The following SPTBN4 variants were observed in gnomAD, a reference collection of about 807,000 sequenced individuals.
The protein encoded by SPTBN4 is spectrin beta chain, non-erythrocytic 4.
In SPTBN4, 96 loss-of-function variants were observed where a neutral mutation model predicts 277.8. The observed-to-expected ratio is 0.35, with a 90% confidence interval of 0.29 to 0.41. SPTBN4 has a LOEUF of 0.41. Ranked by LOEUF, SPTBN4 falls within the 10% of genes least tolerant of loss-of-function variation. The pLI, the probability that SPTBN4 is intolerant of heterozygous loss-of-function variation, is 1.00. For synonymous variants in SPTBN4, 1,481 were observed against 1,580.3 expected (o/e 0.94, Z 1.49); for missense variants, 3,006 against 3,595.7 (o/e 0.84, Z 4.19).
rs770978877 is a variant in SPTBN4 at position 40,567,776 on chromosome 19, A to C, written c.6450A>C (p.Pro2150=). 6.5e-6 allele frequency: 10 copies of C among 1,527,650 alleles called. No homozygotes were observed. The highest frequency in any genetic ancestry group is 4.3e-5 in the African/African-American group (3 of 70,100). The allele number at this position is 1,527,650 out of a possible 1,614,324, so 94.6% of individuals were successfully genotyped here. A position where few individuals can be genotyped will look rare whatever the true frequency, so the allele number is the denominator to read the frequency against. ...CCAAGGCGGCGCCCCTGCTGCGGCC[A>C]GGGGGCTATGAAAGGGGCTTGGAGC... ...LAAKAAPLLR[P]GGYERGLEPL... The change falls in exon 31 of 36, where the codon CCA becomes CCC. Residue 2150 remains proline, a synonymous_variant. Transcript: ENST00000598249.
At chr19:40,479,654 T>G (rs1295993693) in intron 2 of SPTBN4, among the ~76,000 whole-genome samples, 3 of 140,454 alleles carry the variant, frequency 2.1e-5, no homozygotes, top group African/African-American at 8.4e-5. Flanking sequence ...TTTTGCAAAA[T>G]GTGCATTGCT....
At chr19:40,492,660 A>T (rs1025408164) in intron 4 of SPTBN4, among the ~76,000 whole-genome samples, 12 of 152,180 alleles carry the variant, frequency 7.9e-5, no homozygotes, top group African/African-American at 2.7e-4. Context: ...GGAGATCAGC[A>T]TGAAGGCCAC....
chr19:40,566,026 C>T (rs1413161570), intron 29 of SPTBN4, 137 bp from the exon 30 acceptor site: 1 of 914,780 alleles, frequency 1.1e-6, no homozygotes, highest in African/African-American at 1.7e-5. Context: ...CCAGCCTCTG[C>T]CATTCCTGCA....
rs1346681524 is a variant in SPTBN4, at chr19:40,555,702, C to T, written c.5085-382C>T. 2.0e-5 allele frequency among the ~76,000 whole-genome samples: 3 copies of T among 151,702 alleles called. 1 individual carries two copies. Among genetic ancestry groups the T allele is most frequent in the Non-Finnish European group, 2.9e-5 (2 of 67,926 alleles). The stretch of plus-strand genomic sequence containing the variant: ...CACTGGGAGGCTGAGGCAGGAGGAT[C>T]GTTTGAGCCCAGGAGTTTGAGAACA... On this transcript the variant is annotated intron_variant, in intron 24 of 35. Transcript: ENST00000598249.
chr19:40,530,482 G>A, intron 18 of SPTBN4: 2 of 979,872 alleles, frequency 2.0e-6, no homozygotes, highest in Non-Finnish European at 2.4e-6. Context: ...GGGGCGCGCG[G>A]CCGCCGGAGC....
chr19:40,570,717 G>A lies in SPTBN4; in HGVS notation c.7308G>A (p.Lys2436=), dbSNP rs774145874. ...AGCGCGAGCTCGACGCTAACCGCAA[G>A]TCGTCCAACCGGTGAGCGTGTGGGC... ...LRKRELDANR[K]SSNRSWVSLY... is the part of the protein sequence containing the mutation. The change falls in exon 33 of 36, where the codon AAG becomes AAA. Residue 2436 remains lysine (K), a synonymous_variant. Coordinates refer to ENST00000598249, the MANE Select transcript of SPTBN4 (RefSeq NM_020971.3). 20 of 1,608,254 alleles carry A rather than the reference G, an allele frequency of 1.2e-5. No individual in the cohort carries two copies. Among genetic ancestry groups the A allele is most frequent in the Non-Finnish European group, 1.6e-5 (19 of 1,177,950 alleles).
At chr19:40,531,788 G>A (rs1011492063) in intron 18 of SPTBN4, among the ~76,000 whole-genome samples, 7 of 151,970 alleles carry the variant, frequency 4.6e-5, no homozygotes, top group South Asian at 2.1e-4. Context: ...GGTGCTGGCC[G>A]GGCTTGGGAG....
At position 40,515,954 on chromosome 19, in the gene SPTBN4, C is replaced by CATATATACGT. The variant is rs1568798446; in HGVS notation, c.2903+515_2903+524dup. The stretch of plus-strand genomic sequence containing the variant: ...ACACACATATATACGTATATATACA[C>CATATATACGT]ATATATACGTATATATACACATATA... On this transcript the variant is annotated intron_variant, in intron 15 of 35. Transcript: ENST00000598249. This position sits in a 1 kb window ranked among gnomAD's most constrained non-coding sequence, Gnocchi z 4.1. Among the ~76,000 whole-genome samples the CATATATACGT allele has an allele frequency of 8.9e-5, 13 of 146,506 alleles. No homozygotes were observed. The highest frequency in any genetic ancestry group is 1.8e-4 in the Non-Finnish European group (12 of 66,958).
chr19:40,566,958 AAAC>A (rs1347580748), intron 30 of SPTBN4: 14 of 295,230 alleles, frequency 4.7e-5, no homozygotes, highest in South Asian at 5.4e-5. Flanking sequence ...CTCCATCTCA[AAAC>A]AACAACAACA....
At position 40,492,817 on chromosome 19, in the gene SPTBN4, A is replaced by T. The variant is rs2080153863; in HGVS notation, c.496-146A>T. On this transcript the variant is annotated intron_variant, in intron 4 of 35. Coordinates refer to ENST00000598249, the MANE Select transcript of SPTBN4 (RefSeq NM_020971.3). ...CCTGGCCCTCAGGAATTATCCTCAC[A>T]CTCCTGGACCCCCACCCCCAGCCAG... 3 of 618,576 alleles carry T rather than the reference A, an allele frequency of 4.8e-6. No individual in the cohort carries two copies. In the Admixed American group the frequency reaches 7.7e-5, roughly 16 times the overall value. The allele number at this position is 618,576 out of a possible 1,614,324, so 38.3% of individuals were successfully genotyped here.
intron 1 of SPTBN4, among the ~76,000 whole-genome samples, chr19:40,469,266 T>G (rs2079858149): frequency 6.6e-6 from 1 of 152,054 alleles, no homozygotes; most frequent in Non-Finnish European, 1.5e-5. Context: ...TAGTCTTTTT[T>G]TTTTCCTTTT....
chr19:40,543,608 A>G lies in SPTBN4; in HGVS notation c.4360-5581A>G, dbSNP rs111403786. Reference sequence around the variant, plus strand: ...TTGCAGTCATTTGTGGTAATCTGCTACCACTTAATTTTTTAATTGTTATTT... The same window carrying G: ...TTGCAGTCATTTGTGGTAATCTGCTGCCACTTAATTTTTTAATTGTTATTT... On this transcript the variant is annotated intron_variant, in intron 20 of 35. Coordinates refer to ENST00000598249, the MANE Select transcript of SPTBN4 (RefSeq NM_020971.3). 1.1e-4 allele frequency among the ~76,000 whole-genome samples: 17 copies of G among 152,204 alleles called. 1 individual carries two copies. Among genetic ancestry groups the G allele is most frequent in the Middle Eastern group, 3.4e-3 (1 of 294 alleles).
intron 7 of SPTBN4, among the ~76,000 whole-genome samples, chr19:40,499,967 T>C (rs2145843539): frequency 6.6e-6 from 1 of 151,232 alleles, no homozygotes; most frequent in Middle Eastern, 3.4e-3. Context: ...CACTCAGTCA[T>C]GGTGATGGCT....
Position 40,554,217 on chromosome 19 carries a change from C to T in SPTBN4, c.4745C>T (p.Ala1582Val). 1.3e-6 allele frequency: 2 copies of T among 1,489,540 alleles called. No homozygotes were observed. The highest frequency in any genetic ancestry group is 2.9e-5 in the African/African-American group (2 of 68,654). The allele number at this position is 1,489,540 out of a possible 1,614,324, so 92.3% of individuals were successfully genotyped here. A position where few individuals can be genotyped will look rare whatever the true frequency, so the allele number is the denominator to read the frequency against. The change falls in exon 23 of 36, where the codon GCG becomes GTG. Residue 1582 changes from alanine (A) to valine (V), a missense_variant. Coordinates refer to ENST00000598249, the MANE Select transcript of SPTBN4 (RefSeq NM_020971.3). The surrounding 1 kb of genome is among the most constrained non-coding windows in gnomAD (Gnocchi z 5.7). Reference sequence around the variant, plus strand: ...GTGCTGGAGCGCGCGGGCGCGCTGGCGTCGCTGCGCAGCCCGGAGGCAGAG... The same window carrying T: ...GTGCTGGAGCGCGCGGGCGCGCTGGTGTCGCTGCGCAGCCCGGAGGCAGAG... ...EEVLERAGALASLRSPEAEAV... is the reference protein window; with the variant it reads ...EEVLERAGALVSLRSPEAEAV...
chr19:40,502,106 C>T lies in SPTBN4; in HGVS notation c.898-22C>T. On this transcript the variant is annotated intron_variant, in intron 8 of 35. Coordinates refer to ENST00000598249, the MANE Select transcript of SPTBN4 (RefSeq NM_020971.3). This position sits in a 1 kb window ranked among gnomAD's most constrained non-coding sequence, Gnocchi z 4.9. ...CAGGCACGGGTGGGATGAGGCTGACCCCCCTTCCTCTGCTGTGTCAGGTCT... is the reference window on the plus strand; with the variant it reads ...CAGGCACGGGTGGGATGAGGCTGACTCCCCTTCCTCTGCTGTGTCAGGTCT... 1 of 1,613,030 alleles carries T rather than the reference C, an allele frequency of 6.2e-7. No homozygotes were observed. Among genetic ancestry groups the T allele is most frequent in the Non-Finnish European group, 8.5e-7 (1 of 1,179,608 alleles).
At chr19:40,481,136 G>A (rs1160726851) in intron 2 of SPTBN4, among the ~76,000 whole-genome samples, 4 of 152,130 alleles carry the variant, frequency 2.6e-5, no homozygotes, top group East Asian at 1.9e-4. Flanking sequence ...GGACATATGC[G>A]CTTGTTTCTG....
intron 32 of SPTBN4, among the ~76,000 whole-genome samples, chr19:40,570,045 C>T (rs976572441): frequency 5.3e-5 from 8 of 151,022 alleles, no homozygotes; most frequent in African/African-American, 2.0e-4. Flanking sequence ...CACACACAGA[C>T]TCTTCCCACA....
intron 21 of SPTBN4, among the ~76,000 whole-genome samples, chr19:40,550,010 C>A (rs1336695038): frequency 6.6e-6 from 1 of 151,902 alleles, no homozygotes; most frequent in African/African-American, 2.4e-5. Flanking sequence ...TGTGGTGGTG[C>A]CTGTTGTCCC....
At chr19:40,568,534 C>T (rs1486301916) in intron 31 of SPTBN4, among the ~76,000 whole-genome samples, 1 of 152,196 alleles carries the variant, frequency 6.6e-6, no homozygotes, top group Non-Finnish European at 1.5e-5. Flanking sequence ...AGGTTCTCGG[C>T]CCCTGGGTTG....
Sources: allele counts gnomAD v4.1 joint callset (sites outside exome capture counted in the v4.1 genomes callset), GRCh38; gene constraint gnomAD v4.1.1; non-coding constraint Gnocchi (gnomAD v3.1); transcripts MANE v1.5; gene names NCBI Gene and HGNC (gene_info 2026-07-23, HGNC 2026-07-21).